The following ACOXL variants were observed in gnomAD, a reference collection of about 807,000 sequenced individuals.
The protein encoded by ACOXL is acyl-coenzyme A oxidase-like protein.
A neutral mutation model predicts 71.9 loss-of-function variants in ACOXL; 70 were observed. That is an observed-to-expected ratio of 0.97 (90% CI 0.80 to 1.19). The LOEUF (loss-of-function observed/expected upper bound fraction) is 1.19, where lower values mean the gene tolerates loss of function less well. Among genes scored for constraint, ACOXL ranks in the 50% most tolerant of loss-of-function variants. The pLI is 0.00. For synonymous variants in ACOXL, 253 were observed against 281.6 expected, an observed-to-expected ratio of 0.90 and a Z score of 1.02; for missense variants, 703 against 736.3, an observed-to-expected ratio of 0.95 and a Z score of 0.52.
chr2:110,914,619 A>T, intron 11 of ACOXL, among the ~76,000 whole-genome samples: 1 of 152,172 alleles, frequency 6.6e-6, no homozygotes, highest in Non-Finnish European at 1.5e-5. Flanking sequence ...GAGTAAAGAG[A>T]GTTTTACTTA....
chr2:110,896,068 A>C (rs1289491091), intron 10 of ACOXL, among the ~76,000 whole-genome samples: 1 of 152,192 alleles, frequency 6.6e-6, no homozygotes, highest in East Asian at 1.9e-4. Flanking sequence ...CTAAATTAAT[A>C]GAAGAAATAT....
At chr2:110,961,952 C>G (rs1183429114) in intron 12 of ACOXL, among the ~76,000 whole-genome samples, 1 of 152,212 alleles carries the variant, frequency 6.6e-6, no homozygotes, top group Non-Finnish European at 1.5e-5. Flanking sequence ...CCTCCCATGA[C>G]ACGTGGGGAT....
chr2:110,828,423 T>C (rs1258352882), intron 9 of ACOXL, among the ~76,000 whole-genome samples: 2 of 152,232 alleles, frequency 1.3e-5, no homozygotes, highest in African/African-American at 2.4e-5. Flanking sequence ...CTTTAATACA[T>C]GTCGTCAAAT....
chr2:110,758,433 T>C (rs1249294633), intron 1 of ACOXL, among the ~76,000 whole-genome samples: 1 of 152,202 alleles, frequency 6.6e-6, no homozygotes, highest in East Asian at 1.9e-4. Flanking sequence ...GTGAAGAATG[T>C]CAATGGGAGT....
chr2:110,908,581 T>A (rs190431776), intron 10 of ACOXL, among the ~76,000 whole-genome samples: 2 of 152,330 alleles, frequency 1.3e-5, no homozygotes, highest in Admixed American at 1.3e-4. Context: ...GCTGGGAAGG[T>A]TAACTTCTAG....
chr2:110,968,238 T>C (rs1376837335), intron 12 of ACOXL: 4 of 1,080,340 alleles, frequency 3.7e-6, no homozygotes, highest in Non-Finnish European at 5.6e-6. Context: ...TGGAAAACAT[T>C]GATGGTCAGC....
chr2:110,953,782 G>T (rs540815203), intron 12 of ACOXL, among the ~76,000 whole-genome samples: 15 of 152,330 alleles, frequency 9.8e-5, no homozygotes, highest in Non-Finnish European at 1.9e-4. Context: ...ATGGCAGAAG[G>T]TGAAGGGGAA....
chr2:110,867,789 GT>G (rs1167854845), intron 10 of ACOXL, among the ~76,000 whole-genome samples: 2 of 151,996 alleles, frequency 1.3e-5, no homozygotes, highest in Admixed American at 6.5e-5. Flanking sequence ...TTGAGATGGA[GT>G]TTTGCTCTGT....
chr2:110,838,875 G>T (rs961431982), intron 9 of ACOXL, among the ~76,000 whole-genome samples: 1 of 152,236 alleles, frequency 6.6e-6, no homozygotes, highest in Non-Finnish European at 1.5e-5. Flanking sequence ...TGCCCTTGCA[G>T]GTCCTGTTCA....
At chr2:110,921,133 G>C (rs977358255) in intron 11 of ACOXL, among the ~76,000 whole-genome samples, 2 of 151,810 alleles carry the variant, frequency 1.3e-5, no homozygotes, top group Admixed American at 1.3e-4. Context: ...AATGTCTGTG[G>C]GATCAGTGCG....
chr2:111,071,542 A>G (rs1471184480), intron 16 of ACOXL, among the ~76,000 whole-genome samples: 6 of 152,264 alleles, frequency 3.9e-5, no homozygotes, highest in Non-Finnish European at 5.9e-5. Flanking sequence ...GCAATAATGC[A>G]GATCCCAAGT....
chr2:110,862,701 G>A (rs983866775), intron 10 of ACOXL, among the ~76,000 whole-genome samples: 7 of 152,154 alleles, frequency 4.6e-5, no homozygotes, highest in Admixed American at 2.0e-4. Context: ...TGTGTGCCCC[G>A]GCGAATCACC....
At chr2:111,069,145 C>CTTTTTTTTTTTT (rs1234410019) in intron 16 of ACOXL, among the ~76,000 whole-genome samples, 5 of 135,306 alleles carry the variant, frequency 3.7e-5, no homozygotes, top group Non-Finnish European at 3.2e-5. Context: ...TCTTCTTTTT[C>CTTTTTTTTTTTT]TTTTTTTTTT....
intron 16 of ACOXL, among the ~76,000 whole-genome samples, chr2:111,068,009 A>C (rs534640743): frequency 6.6e-6 from 1 of 152,266 alleles, no homozygotes; most frequent in East Asian, 1.9e-4. Context: ...GGGAGAATAA[A>C]AAATCATGGG....
At chr2:111,065,383 T>A (rs1351829087) in intron 16 of ACOXL, among the ~76,000 whole-genome samples, 1 of 152,244 alleles carries the variant, frequency 6.6e-6, no homozygotes, top group South Asian at 2.1e-4. Flanking sequence ...TGGACTTAAA[T>A]GTACATAAAA....
intron 1 of ACOXL, among the ~76,000 whole-genome samples, chr2:110,755,456 TA>T (rs894571802): frequency 2.6e-5 from 4 of 152,222 alleles, no homozygotes; most frequent in Admixed American, 2.0e-4. Context: ...TGTGGCGGTT[TA>T]TATTTGAAGA....
At chr2:110,846,966 A>G (rs184599934) in intron 10 of ACOXL, among the ~76,000 whole-genome samples, 1 of 152,084 alleles carries the variant, frequency 6.6e-6, no homozygotes, top group African/African-American at 2.4e-5. Flanking sequence ...TTCGTTTATT[A>G]TCATGGCGCT....
At chr2:110,738,297 C>T (rs1390559693) in intron 1 of ACOXL, among the ~76,000 whole-genome samples, 2 of 152,198 alleles carry the variant, frequency 1.3e-5, no homozygotes, top group Non-Finnish European at 2.9e-5. Context: ...AATAATAACA[C>T]ACTGTTGTTT....
At chr2:110,978,076 G>A (rs2062538050) in intron 12 of ACOXL, among the ~76,000 whole-genome samples, 1 of 152,162 alleles carries the variant, frequency 6.6e-6, no homozygotes, top group South Asian at 2.1e-4. Flanking sequence ...TGTGCTTGCT[G>A]CTTGAAGAGG....
Sources: allele counts gnomAD v4.1 joint callset (sites outside exome capture counted in the v4.1 genomes callset), GRCh38; gene constraint gnomAD v4.1.1; transcripts MANE v1.5; gene names NCBI Gene and HGNC (gene_info 2026-07-23, HGNC 2026-07-21).